The following MAST4 variants were observed in gnomAD, a reference collection of about 807,000 sequenced individuals.
MAST4 encodes the protein microtubule-associated serine/threonine-protein kinase 4.
In MAST4, 89 loss-of-function variants were observed where a neutral mutation model predicts 162.7. The observed-to-expected ratio is 0.55, with a 90% CI of 0.46 to 0.65. The LOEUF (loss-of-function observed/expected upper bound fraction) is 0.65. Among genes scored for constraint, MAST4 ranks in the 30% least tolerant of loss-of-function variants. The probability of loss-of-function intolerance (pLI) is 0.00; values close to 1 mark genes in which losing one functional copy is unlikely to be tolerated. For missense variants in MAST4, 3,153 were observed against 3,374.0 expected (o/e 0.93, Z 1.62); for synonymous variants, 1,479 against 1,361.1 (o/e 1.09, Z -1.91).
intron 1 of MAST4, among the ~76,000 whole-genome samples, chr5:66,682,169 G>A (rs1474558440): frequency 6.6e-6 from 1 of 150,564 alleles, no homozygotes; most frequent in Non-Finnish European, 1.5e-5. Flanking sequence ...TTATAAGGCT[G>A]CCCCATAGGT....
At chr5:66,872,124 C>T (rs1760975208) in intron 3 of MAST4, among the ~76,000 whole-genome samples, 1 of 151,658 alleles carries the variant, frequency 6.6e-6, no homozygotes, top group Non-Finnish European at 1.5e-5. Flanking sequence ...CTGATTAGAA[C>T]CACTGACTGT....
chr5:66,637,998 G>A (rs1256159960), intron 1 of MAST4, among the ~76,000 whole-genome samples: 1 of 152,120 alleles, frequency 6.6e-6, no homozygotes, highest in African/African-American at 2.4e-5. Context: ...CCACCATGCC[G>A]AGCCTTTTGA....
intron 1 of MAST4, among the ~76,000 whole-genome samples, chr5:66,755,114 T>C (rs1753449158): frequency 6.6e-6 from 1 of 152,078 alleles, no homozygotes; most frequent in Admixed American, 6.6e-5. Flanking sequence ...CAGAGACCTC[T>C]TGAGATGCTA....
At chr5:67,121,510 T>G (rs1219347150) in intron 14 of MAST4, among the ~76,000 whole-genome samples, 2 of 151,742 alleles carry the variant, frequency 1.3e-5, no homozygotes, top group African/African-American at 4.8e-5. Context: ...TAGCCTGTAT[T>G]TCATGTGTGA....
At chr5:67,107,994 G>A (rs1473504187) in intron 10 of MAST4, among the ~76,000 whole-genome samples, 1 of 152,158 alleles carries the variant, frequency 6.6e-6, no homozygotes, top group Non-Finnish European at 1.5e-5. Flanking sequence ...TGGGCTAATC[G>A]TGTCTTTATT....
At chr5:66,712,238 G>A (rs1204852794) in intron 1 of MAST4, among the ~76,000 whole-genome samples, 3 of 152,184 alleles carry the variant, frequency 2.0e-5, no homozygotes, top group African/African-American at 7.2e-5. Flanking sequence ...CATGGTAAAT[G>A]TAAGTTTAAC....
chr5:66,764,448 T>G (rs577794387), intron 2 of MAST4, among the ~76,000 whole-genome samples: 21 of 152,292 alleles, frequency 1.4e-4, no homozygotes, highest in African/African-American at 4.8e-4. Context: ...TTGTCCAGGA[T>G]GCAGGTACAG....
At chr5:66,846,330 A>T (rs1168243288) in intron 3 of MAST4, among the ~76,000 whole-genome samples, 1 of 152,214 alleles carries the variant, frequency 6.6e-6, no homozygotes, top group Non-Finnish European at 1.5e-5. Context: ...GAAGGTGGTT[A>T]GTTTGGTAGA....
chr5:66,997,916 G>T (rs564228565), intron 4 of MAST4, among the ~76,000 whole-genome samples: 2 of 152,302 alleles, frequency 1.3e-5, no homozygotes, highest in South Asian at 4.1e-4. Flanking sequence ...CCGATGTGTG[G>T]AATAATTGGA....
intron 1 of MAST4, chr5:66,623,096 C>T (rs921233482): frequency 1.3e-5 from 2 of 152,086 alleles, no homozygotes; most frequent in African/African-American, 4.8e-5. Flanking sequence ...CCTTTTGATC[C>T]ATAAAGTTAT....
At chr5:66,658,656 A>C (rs1480107935) in intron 1 of MAST4, among the ~76,000 whole-genome samples, 1 of 152,170 alleles carries the variant, frequency 6.6e-6, no homozygotes, top group African/African-American at 2.4e-5. Flanking sequence ...TGTCTCTTTA[A>C]TGGTTCCTTC....
intron 1 of MAST4, among the ~76,000 whole-genome samples, chr5:66,603,933 C>A (rs1311490361): frequency 1.3e-5 from 2 of 152,178 alleles, no homozygotes; most frequent in Non-Finnish European, 2.9e-5. Context: ...TTAAAGCATA[C>A]CAAAATACAA....
At chr5:66,742,760 T>C (rs1375524637) in intron 1 of MAST4, among the ~76,000 whole-genome samples, 1 of 152,186 alleles carries the variant, frequency 6.6e-6, no homozygotes, top group Non-Finnish European at 1.5e-5. Flanking sequence ...AGAGTTTTCT[T>C]CTGGCAAGCG....
intron 4 of MAST4, among the ~76,000 whole-genome samples, chr5:66,921,700 G>A (rs71626479): frequency 0.012 from 1,798 of 152,176 alleles, 30 homozygotes; most frequent in South Asian, 0.053. Context: ...TGAAGGTTGC[G>A]GTGATCCTAG....
At chr5:66,841,084 T>C (rs1036122022) in intron 3 of MAST4, among the ~76,000 whole-genome samples, 1 of 152,166 alleles carries the variant, frequency 6.6e-6, no homozygotes, top group Non-Finnish European at 1.5e-5. Flanking sequence ...CAATAAGATA[T>C]ATTACTTACC....
intron 1 of MAST4, among the ~76,000 whole-genome samples, chr5:66,639,313 T>TGTG (rs1554037879): frequency 1.3e-5 from 2 of 151,116 alleles, no homozygotes; most frequent in African/African-American, 2.4e-5. Flanking sequence ...TGTGTGTGTG[T>TGTG]TTTAAGAAGA....
chr5:66,890,208 T>A (rs891929789), intron 3 of MAST4, among the ~76,000 whole-genome samples: 9 of 152,180 alleles, frequency 5.9e-5, no homozygotes, highest in African/African-American at 2.2e-4. Context: ...AACCTTGATA[T>A]AATAAATGCA....
chr5:66,876,011 C>T (rs1334794699), intron 3 of MAST4, among the ~76,000 whole-genome samples: 1 of 152,186 alleles, frequency 6.6e-6, no homozygotes, highest in Non-Finnish European at 1.5e-5. Flanking sequence ...AAGCAATCCT[C>T]CTGCCTTGGC....
At chr5:67,076,202 T>G (rs1177696086) in intron 5 of MAST4, among the ~76,000 whole-genome samples, 1 of 152,236 alleles carries the variant, frequency 6.6e-6, no homozygotes, top group Non-Finnish European at 1.5e-5. Flanking sequence ...TGCTTGCTTC[T>G]GTATTTCTGT....
Sources: allele counts gnomAD v4.1 joint callset (sites outside exome capture counted in the v4.1 genomes callset), GRCh38; gene constraint gnomAD v4.1.1; transcripts MANE v1.5; gene names NCBI Gene and HGNC (gene_info 2026-07-23, HGNC 2026-07-21).